Variants in CCDC28B observed in about 807,000 individuals in gnomAD.
The protein encoded by CCDC28B is coiled-coil domain-containing protein 28B.
CCDC28B carries 17 observed loss-of-function variants against 18.7 expected under a neutral mutation model. The ratio of observed to expected loss-of-function variants is 0.91; its 90% CI spans 0.62 to 1.36. CCDC28B has a LOEUF of 1.36. Among genes scored for constraint, CCDC28B ranks in the 40% most tolerant of loss-of-function variants. The probability of loss-of-function intolerance (pLI) is 0.00; values close to 1 mark genes in which losing one functional copy is unlikely to be tolerated. For synonymous variants in CCDC28B, 116 were observed against 105.1 expected (o/e 1.10, Z -0.64); for missense variants, 213 against 251.7 (o/e 0.85, Z 1.04).
intron 2 of CCDC28B, chr1:32,202,415 A>C: frequency 4.1e-6 from 2 of 491,722 alleles, no homozygotes; most frequent in South Asian, 1.7e-5. Context: ...TATTACCTGA[A>C]AGGTTTCAGG....
chr1:32,204,170 A>AG lies in CCDC28B; in HGVS notation c.332-12dup, dbSNP rs749497454. The AG allele has an allele frequency of 6.2e-7, 1 of 1,613,840 alleles. No individual in the cohort carries two copies. The highest frequency in any genetic ancestry group is 1.1e-5 in the South Asian group (1 of 91,068). ...CAGGACTCTTTCCCAGGGTTCAGAC[A>AG]GGGGCTTCGTTCCAGGGAAGGAATG... On this transcript the variant is annotated splice_polypyrimidine_tract_variant and intron_variant, in intron 3 of 5. Transcript: ENST00000373602.
chr1:32,202,768 G>C (rs1643173587), intron 2 of CCDC28B: 1 of 156,622 alleles, frequency 6.4e-6, no homozygotes, highest in Non-Finnish European at 1.4e-5. Flanking sequence ...GAAATTTTAA[G>C]ACAGTTTTTT....
At chr1:32,201,765 A>G in intron 1 of CCDC28B, 148 bp from the exon 2 acceptor site, 1 of 641,858 alleles carries the variant, frequency 1.6e-6, no homozygotes, top group South Asian at 2.1e-5. Context: ...CCAGCAGCAG[A>G]CACTGGCATC....
intron 1 of CCDC28B, 57 bp downstream of exon 1, chr1:32,200,766 C>G (rs1277509174): frequency 6.6e-6 from 1 of 152,258 alleles, no homozygotes; most frequent in Non-Finnish European, 1.5e-5. Flanking sequence ...GTCTGACGCT[C>G]TGTCTTCGAG....
Position 32,201,931 on chromosome 1 carries a change from G to A in CCDC28B, c.-5G>A, listed in dbSNP as rs185098317. The A allele has an allele frequency of 3.1e-5, 50 of 1,594,770 alleles. No homozygotes were observed. Among genetic ancestry groups the A allele is most frequent in the Admixed American group, 1.3e-4 (7 of 55,162 alleles). ...CTCCTAGGCCTGAGGCCCAGCCAGC[G>A]CCCAATGGATGACAAAAAGAAGAAA... is the stretch of plus-strand genomic sequence containing the variant. On this transcript the variant is annotated 5_prime_UTR_variant, in exon 2 of 6. Coordinates refer to ENST00000373602, the MANE Select transcript of CCDC28B (RefSeq NM_024296.5).
chr1:32,204,653 G>C, intron 5 of CCDC28B, 33 bp downstream of exon 5: 1 of 1,612,884 alleles, frequency 6.2e-7, no homozygotes, highest in Non-Finnish European at 8.5e-7. Flanking sequence ...CTATGTGTGT[G>C]TGTTCCTGAG....
Position 32,202,083 on chromosome 1 carries a change from C to T in CCDC28B, c.148C>T (p.Arg50Trp), listed in dbSNP as rs1382933584. The T allele has an allele frequency of 8.1e-6, 13 of 1,612,338 alleles. No individual in the cohort carries two copies. The highest frequency in any genetic ancestry group is 1.1e-5 in the Non-Finnish European group (13 of 1,179,188). The change falls in exon 2 of 6, where the codon CGG becomes TGG. Residue 50 changes from arginine (R) to tryptophan (W), a missense_variant. Arg to Trp is a moderately radical substitution (Grantham distance 101). Transcript: ENST00000373602. ...GLPHLPSPKQRAKFKRVGKEK... is the reference protein window; with the variant it reads ...GLPHLPSPKQWAKFKRVGKEK... ...TCCTCATCTGCCATCCCCCAAGCAG[C>T]GGGCCAAGTTCAAGAGGTGGGTACA...
upstream of CCDC28B, among the ~76,000 whole-genome samples, chr1:32,198,918 C>A (rs1300309918): frequency 2.6e-5 from 4 of 152,112 alleles, no homozygotes; most frequent in African/African-American, 9.7e-5. Flanking sequence ...CATTTGAGGC[C>A]CAGGTTAAGA....
rs745773314 is a variant in CCDC28B, at chr1:32,204,028, G to T, written c.314G>T (p.Gly105Val). 5.7e-5 allele frequency: 89 copies of T among 1,553,956 alleles called. No individual in the cohort carries two copies. Among genetic ancestry groups the T allele is most frequent in the Non-Finnish European group, 7.5e-5 (86 of 1,151,172 alleles). Reference protein sequence around the residue: ...LLNLLNDFHSGRLQAFGKECS... With the variant: ...LLNLLNDFHSVRLQAFGKECS... The stretch of plus-strand genomic sequence containing the variant: ...AACCTGCTCAATGATTTCCACTCTG[G>T]CCGGCTGCAGGCCTTCGGTGAGTCC... Residue 105 changes from glycine (G) to valine (V), a missense_variant, in exon 3 of 6, where the codon GGC (glycine) becomes GTC (valine). Coordinates refer to ENST00000373602, the MANE Select transcript of CCDC28B (RefSeq NM_024296.5).
In CCDC28B at chr1:32,204,263, G is replaced by C; in HGVS notation, c.409G>C (p.Asp137His). 1 of 1,614,110 alleles carries C rather than the reference G, an allele frequency of 6.2e-7. No individual in the cohort carries two copies. Among genetic ancestry groups the C allele is most frequent in the Non-Finnish European group, 8.5e-7 (1 of 1,180,020 alleles). The change falls in exon 4 of 6, where the codon GAT (aspartate) becomes CAT (histidine). Residue 137 changes from aspartate to histidine, a missense_variant. Transcript: ENST00000373602. ...EKLARLHFSL[D>H]VCGEEEDDEE... ...GCTAGCCCGGCTGCACTTCAGCCTG[G>C]ATGTGTGTGGGGAGGAGGAGGACGA...
chr1:32,205,245 G>A lies in CCDC28B; in HGVS notation c.600G>A (p.Ala200=), dbSNP rs773711376. 3 of 1,613,034 alleles carry A rather than the reference G, an allele frequency of 1.9e-6. No homozygotes were observed. The highest frequency in any genetic ancestry group is 2.5e-6 in the Non-Finnish European group (3 of 1,179,376). The change falls in exon 6 of 6, where the codon GCG becomes GCA. Residue 200 remains alanine (A), a synonymous_variant. Coordinates refer to ENST00000373602, the MANE Select transcript of CCDC28B (RefSeq NM_024296.5). This position sits in a 1 kb window ranked among gnomAD's most constrained non-coding sequence, Gnocchi z 5.6. ...ENAEPEEQSA[A] is the part of the protein sequence containing the mutation. Reference sequence around the variant, plus strand: ...CCGAGCCTGAGGAGCAGTCCGCTGCGTAGGCGTCCCACGCAGGCCCACACT... The same window carrying A: ...CCGAGCCTGAGGAGCAGTCCGCTGCATAGGCGTCCCACGCAGGCCCACACT...
intron 2 of CCDC28B, among the ~76,000 whole-genome samples, 186 bp from the exon 3 acceptor site, chr1:32,203,693 G>T (rs551007390): frequency 6.6e-6 from 1 of 152,108 alleles, no homozygotes; most frequent in Non-Finnish European, 1.5e-5. Flanking sequence ...ACCTCTTCAC[G>T]CCTCCTCACC....
chr1:32,204,141 G>T lies in CCDC28B; in HGVS notation c.332-45G>T, dbSNP rs753894609. ...GGGACCATGGTTCCAGGGTTCCAGG[G>T]TTCCAGGACTCTTTCCCAGGGTTCA... On this transcript the variant is annotated intron_variant, in intron 3 of 5. Transcript: ENST00000373602. The T allele has an allele frequency of 3.1e-6, 5 of 1,610,504 alleles. No homozygotes were observed. The Admixed American group carries it at 8.4e-5, about 27-fold the overall frequency.
Position 32,205,349 on chromosome 1 carries a change from A to G in CCDC28B, c.*101A>G. 1 of 1,101,678 alleles carries G rather than the reference A, an allele frequency of 9.1e-7. No individual in the cohort carries two copies. Among genetic ancestry groups the G allele is most frequent in the Non-Finnish European group, 1.3e-6 (1 of 790,222 alleles). The allele number at this position is 1,101,678 out of a possible 1,614,324, so 68.2% of individuals were successfully genotyped here. A position where few individuals can be genotyped will look rare whatever the true frequency, so the allele number is the denominator to read the frequency against. ...TGCGGCCCCCCAGGTGCTATGGGGG[A>G]GGGGGGCGTTGAATGGAATTAAACC... On this transcript the variant is annotated 3_prime_UTR_variant, in exon 6 of 6. Coordinates refer to ENST00000373602, the MANE Select transcript of CCDC28B (RefSeq NM_024296.5). The surrounding 1 kb of genome is among the most constrained non-coding windows in gnomAD (Gnocchi z 5.6).
At chr1:32,196,271 C>A (rs982567269), upstream of CCDC28B, 1 of 152,552 alleles carries the variant, frequency 6.6e-6, no homozygotes. Context: ...AGCACTGTCT[C>A]CATGCAGCAG....
Position 32,204,211 on chromosome 1 carries a change from G to A in CCDC28B, c.357G>A (p.Leu119=). 6.2e-7 allele frequency: 1 copy of A among 1,614,164 alleles called. No individual in the cohort carries two copies. Among genetic ancestry groups the A allele is most frequent in the Non-Finnish European group, 8.5e-7 (1 of 1,180,026 alleles). Residue 119 remains leucine (L), a synonymous_variant, in exon 4 of 6, where the codon CTG becomes CTA. Coordinates refer to ENST00000373602, the MANE Select transcript of CCDC28B (RefSeq NM_024296.5). The stretch of plus-strand genomic sequence containing the variant: ...GGAAGGAATGCTCCTTTGAGCAGCT[G>A]GAGCACGTTCGGGAGATGCAGGAGA... ...AFGKECSFEQ[L]EHVREMQEKL...
upstream of CCDC28B, among the ~76,000 whole-genome samples, chr1:32,199,368 T>TTG (rs1557513509): frequency 6.6e-6 from 1 of 151,522 alleles, no homozygotes; most frequent in Non-Finnish European, 1.5e-5. Flanking sequence ...CTGGAGGGTG[T>TTG]GGGGGGGGTG....
At position 32,205,099 on chromosome 1, in the gene CCDC28B, C is replaced by T. The variant is rs1366622814; in HGVS notation, c.549-95C>T. 6.7e-7 allele frequency: 1 copy of T among 1,497,246 alleles called. No homozygotes were observed. Among genetic ancestry groups the T allele is most frequent in the East Asian group, 2.3e-5 (1 of 42,934 alleles). 92.7% of individuals were successfully genotyped at this position (1,497,246 alleles called of 1,614,324 possible). A position where few individuals can be genotyped will look rare whatever the true frequency, so the allele number is the denominator to read the frequency against. ...CGGCCCGAGACCCTCGTCCCCGGCC[C>T]TTTGCACAGGTGAGGGAACTAAACC... On this transcript the variant is annotated intron_variant, in intron 5 of 5. Transcript: ENST00000373602. The surrounding 1 kb of genome is among the most constrained non-coding windows in gnomAD (Gnocchi z 5.6).
At chr1:32,200,846 G>A (rs1363021583) in intron 1 of CCDC28B, 137 bp downstream of exon 1, 1 of 152,216 alleles carries the variant, frequency 6.6e-6, no homozygotes, top group African/African-American at 2.4e-5. Context: ...ATAGATCCCC[G>A]GTCGCCCCAG....
Sources: gnomAD v4.1 joint callset for allele counts (sites outside exome capture counted in the v4.1 genomes callset) on GRCh38, gnomAD v4.1.1 for gene constraint, Gnocchi (gnomAD v3.1) non-coding constraint, MANE v1.5 for transcripts, NCBI Gene and HGNC (gene_info 2026-07-23, HGNC 2026-07-21) for gene names.